The following IQCN variants were observed in gnomAD, a reference collection of about 807,000 sequenced individuals.
The protein encoded by IQCN is IQ motif containing N, also known as IQ domain-containing protein N.
In IQCN, 46 loss-of-function variants were observed where a neutral mutation model predicts 64.4. The observed-to-expected ratio is 0.71, with a 90% CI of 0.56 to 0.91. The LOEUF is 0.91. IQCN is among the 40% of genes least tolerant of loss of function. IQCN has a pLI of 0.00. For missense variants in IQCN, 1,753 were observed against 1,857.4 expected, an observed-to-expected ratio of 0.94 and a Z score of 1.03; for synonymous variants, 733 against 775.6, an observed-to-expected ratio of 0.95 and a Z score of 0.91.
chr19:18,264,539 T>C lies in IQCN; in HGVS notation c.3001A>G (p.Ser1001Gly). The C allele has an allele frequency of 6.4e-7, 1 of 1,551,092 alleles. No individual in the cohort carries two copies. Among genetic ancestry groups the C allele is most frequent in the Non-Finnish European group, 8.7e-7 (1 of 1,146,874 alleles). ...AGGGCCACCCGACACCAAGACTGGCTCAGGAGAGCACCCAGCTCACCCTGA... is the reference window on the plus strand; with the variant it reads ...AGGGCCACCCGACACCAAGACTGGCCCAGGAGAGCACCCAGCTCACCCTGA... Reference protein sequence around the residue: ...LCQGELGALLSQSWCRVALRT... With the variant: ...LCQGELGALLGQSWCRVALRT... Residue 1001 changes from serine to glycine, a missense_variant, in exon 3 of 4, where the codon AGC becomes GGC. Transcript: ENST00000392413. This position sits in a 1 kb window ranked among gnomAD's most constrained non-coding sequence, Gnocchi z 4.3.
chr19:18,269,543 C>A lies in IQCN; in HGVS notation c.-65G>T. On this transcript the variant is annotated 5_prime_UTR_variant, in exon 2 of 4. Coordinates refer to ENST00000392413, the MANE Select transcript of IQCN (RefSeq NM_001145304.2). ...GAAGCCAGCCTGCAAGAGGAGGCAG[C>A]CTTCAGCCTTTCATCCATGCAATAT... 1 of 1,575,090 alleles carries A rather than the reference C, an allele frequency of 6.3e-7. No individual in the cohort carries two copies. The highest frequency in any genetic ancestry group is 8.7e-7 in the Non-Finnish European group (1 of 1,146,034).
At chr19:18,259,618 C>T (rs1969384932) in intron 3 of IQCN, 1 of 152,276 alleles carries the variant, frequency 6.6e-6, no homozygotes, top group African/African-American at 2.4e-5. Flanking sequence ...CCTCCTGCCG[C>T]ACCACGACCA....
chr19:18,265,386 G>C lies in IQCN; in HGVS notation c.2154C>G (p.Ser718=), dbSNP rs1308195671. 1.9e-6 allele frequency: 3 copies of C among 1,614,176 alleles called. No homozygotes were observed. Among genetic ancestry groups the C allele is most frequent in the African/African-American group, 1.3e-5 (1 of 75,050 alleles). The part of the protein sequence containing the change: ...HLDTCLSKMH[S]QTHLATGAVK... ...CGGCACCTGTGGCCAGATGTGTCTG[G>C]GAATGCATCTTGCTCAGACAGGTGT... Residue 718 remains serine (S), a synonymous_variant, in exon 3 of 4, where the codon TCC becomes TCG. Transcript: ENST00000392413. This position sits in a 1 kb window ranked among gnomAD's most constrained non-coding sequence, Gnocchi z 4.7.
chr19:18,264,994 C>A lies in IQCN; in HGVS notation c.2546G>T (p.Trp849Leu). 1 of 1,606,000 alleles carries A rather than the reference C, an allele frequency of 6.2e-7. No homozygotes were observed. The change falls in exon 3 of 4, where the codon TGG becomes TTG. Residue 849 changes from tryptophan (W) to leucine (L), a missense_variant. Transcript: ENST00000392413. The surrounding 1 kb of genome is among the most constrained non-coding windows in gnomAD (Gnocchi z 4.3). The stretch of plus-strand genomic sequence containing the variant: ...GGCACGTGTGGCTCCGTTGTCTCCC[C>A]AGGACTCAACGTTGCATGTGGAATG... The part of the protein sequence containing the change: ...TGHSTCNVES[W>L]GDNGATRAQP...
rs1206079142 is a variant in IQCN, at chr19:18,264,619, A to C, written c.2921T>G (p.Val974Gly). 6.4e-6 allele frequency: 10 copies of C among 1,551,018 alleles called. No homozygotes were observed. The highest frequency in any genetic ancestry group is 8.7e-6 in the Non-Finnish European group (10 of 1,146,898). The change falls in exon 3 of 4, where the codon GTG (valine) becomes GGG (glycine). Residue 974 changes from valine (V) to glycine (G), a missense_variant. By Grantham distance (109) the Val-to-Gly change is moderately radical. Coordinates refer to ENST00000392413, the MANE Select transcript of IQCN (RefSeq NM_001145304.2). The surrounding 1 kb of genome is among the most constrained non-coding windows in gnomAD (Gnocchi z 4.3). ...CTCCTCCGTCAAAGCCTTGCTAAGC[A>C]CCTCGGCCAATTTACCCTGCATGAC... The part of the protein sequence containing the change: ...TKVMQGKLAE[V>G]LSKALTEEEW...
chr19:18,267,662 T>C (rs1363827403), intron 2 of IQCN, 136 bp from the exon 3 acceptor site: 2 of 1,066,404 alleles, frequency 1.9e-6, no homozygotes, highest in African/African-American at 3.2e-5. Context: ...CCTTTTTCCA[T>C]CCCTCCCTCT....
In IQCN at chr19:18,257,131, A is replaced by G; in HGVS notation, c.*49T>C. On this transcript the variant is annotated 3_prime_UTR_variant, in exon 4 of 4. Coordinates refer to ENST00000392413, the MANE Select transcript of IQCN (RefSeq NM_001145304.2). Reference sequence around the variant, plus strand: ...GGAGGACTTTATTCATTAGACCCAGAGAGCCATGAGTGCCTCCCACGAAGT... The same window carrying G: ...GGAGGACTTTATTCATTAGACCCAGGGAGCCATGAGTGCCTCCCACGAAGT... 3 of 1,572,850 alleles carry G rather than the reference A, an allele frequency of 1.9e-6. No homozygotes were observed. Among genetic ancestry groups the G allele is most frequent in the Non-Finnish European group, 2.6e-6 (3 of 1,152,924 alleles).
chr19:18,266,148 G>A lies in IQCN; in HGVS notation c.1392C>T (p.Ala464=). 3 of 1,614,162 alleles carry A rather than the reference G, an allele frequency of 1.9e-6. No individual in the cohort carries two copies. The highest frequency in any genetic ancestry group is 2.5e-6 in the Non-Finnish European group (3 of 1,180,046). The change falls in exon 3 of 4, where the codon GCC becomes GCT. Residue 464 remains alanine, a synonymous_variant. Transcript: ENST00000392413. The surrounding 1 kb of genome is among the most constrained non-coding windows in gnomAD (Gnocchi z 4.3). ...PPQMHPVTTP[A]KNPLQTCLSA... ...ACAGACATGTTTGCAATGGGTTTTT[G>A]GCTGGGGTGGTGACCGGGTGCATCT...
Position 18,267,011 on chromosome 19 carries a change from C to A in IQCN, c.529G>T (p.Glu177Ter). 1 of 1,614,248 alleles carries A rather than the reference C, an allele frequency of 6.2e-7. No homozygotes were observed. The highest frequency in any genetic ancestry group is 8.5e-7 in the Non-Finnish European group (1 of 1,180,032). Residue 177 changes from glutamate (E) to a stop codon, truncating the protein, a stop_gained, in exon 3 of 4, where the codon GAA (glutamate) becomes TAA (stop). Coordinates refer to ENST00000392413, the MANE Select transcript of IQCN (RefSeq NM_001145304.2). LOFTEE classifies it high-confidence loss of function. The part of the protein sequence containing the change: ...APQQVRFQHP[E>*]ENRLLSPPIM... ...GGCGGGGACAGAAGGCGGTTCTCTT[C>A]CGGATGCTGGAAGCGCACCTGCTGT...
rs1352995019 is a variant in IQCN, at chr19:18,266,289, C to G, written c.1251G>C (p.Gln417His). ...TTGCCGTGATGGTCGCAGGGCATGT[C>G]TGCCGTGGGGTGCCAGTTCTGGAGG... is the stretch of plus-strand genomic sequence containing the variant. Reference protein sequence around the residue: ...PTASRTGTPRQTCPATITAKN... With the variant: ...PTASRTGTPRHTCPATITAKN... The change falls in exon 3 of 4, where the codon CAG (glutamine) becomes CAC (histidine). Residue 417 changes from glutamine (Q) to histidine (H), a missense_variant. Transcript: ENST00000392413. This position sits in a 1 kb window ranked among gnomAD's most constrained non-coding sequence, Gnocchi z 4.3. 1 of 1,613,496 alleles carries G rather than the reference C, an allele frequency of 6.2e-7. No individual in the cohort carries two copies. Among genetic ancestry groups the G allele is most frequent in the Non-Finnish European group, 8.5e-7 (1 of 1,179,728 alleles).
In IQCN at chr19:18,264,398, GC is replaced by G. The variant is rs1170469399; in HGVS notation, c.3141del (p.Ser1049ProfsTer5). The G allele has an allele frequency of 6.6e-7, 1 of 1,524,054 alleles. No individual in the cohort carries two copies. Among genetic ancestry groups the G allele is most frequent in the Non-Finnish European group, 8.8e-7 (1 of 1,133,044 alleles). The allele number at this position is 1,524,054 out of a possible 1,614,324, so 94.4% of individuals were successfully genotyped here. A position where few individuals can be genotyped will look rare whatever the true frequency, so the allele number is the denominator to read the frequency against. ...TGTGGTCTCACGGGGCCCAGGGAGG[GC>G]CCCCATGCGGCCGATGGACTCCTCC... ...ACRRSPSAAWGPSLGPVRPQT... is the reference protein window; with the variant it reads ...ACRRSPSAAWXPSLGPVRPQT... On this transcript the variant is annotated frameshift_variant, in exon 3 of 4. Transcript: ENST00000392413. LOFTEE classifies it low-confidence loss of function (END_TRUNC). The surrounding 1 kb of genome is among the most constrained non-coding windows in gnomAD (Gnocchi z 4.3).
Position 18,264,649 on chromosome 19 carries a change from G to T in IQCN, c.2891C>A (p.Thr964Asn), listed in dbSNP as rs1429474065. 3 of 1,551,252 alleles carry T rather than the reference G, an allele frequency of 1.9e-6. No individual in the cohort carries two copies. The African/African-American group carries it at 4.1e-5, about 21-fold the overall frequency. The change falls in exon 3 of 4, where the codon ACC becomes AAC. Residue 964 changes from threonine (T) to asparagine (N), a missense_variant. Thr to Asn is a moderately conservative substitution (Grantham distance 65). Transcript: ENST00000392413. The surrounding 1 kb of genome is among the most constrained non-coding windows in gnomAD (Gnocchi z 4.3). Reference sequence around the variant, plus strand: ...GGCCAATTTACCCTGCATGACCTTGGTGAGTTCCGCCCGCAGCTCGCCCCG... The same window carrying T: ...GGCCAATTTACCCTGCATGACCTTGTTGAGTTCCGCCCGCAGCTCGCCCCG... The part of the protein sequence containing the change: ...LSRGELRAEL[T>N]KVMQGKLAEV...
intron 1 of IQCN, among the ~76,000 whole-genome samples, chr19:18,273,230 C>A (rs1969779820): frequency 6.6e-6 from 1 of 151,888 alleles, no homozygotes; most frequent in Non-Finnish European, 1.5e-5. Context: ...TGGGGTTTCG[C>A]CATGTTGGCC....
Position 18,265,618 on chromosome 19 carries a change from C to T in IQCN, c.1922G>A (p.Gly641Glu), listed in dbSNP as rs749615907. The change falls in exon 3 of 4, where the codon GGG (glycine) becomes GAG (glutamate). Residue 641 changes from glycine (G) to glutamate (E), a missense_variant. By Grantham distance (98) the Gly-to-Glu change is moderately conservative (BLOSUM62 -2). Transcript: ENST00000392413. This position sits in a 1 kb window ranked among gnomAD's most constrained non-coding sequence, Gnocchi z 4.7. ...CACATACACGTGAGGTGGCTTGTCC[C>T]CTTCCTCAGCAACTTTTGTCCAGGA... Reference protein sequence around the residue: ...APSWTKVAEEGDKPPHVYVPV... With the variant: ...APSWTKVAEEEDKPPHVYVPV... The T allele has an allele frequency of 6.2e-7, 1 of 1,614,072 alleles. No homozygotes were observed. Among genetic ancestry groups the T allele is most frequent in the Non-Finnish European group, 8.5e-7 (1 of 1,179,998 alleles).
chr19:18,264,557 C>A lies in IQCN; in HGVS notation c.2983G>T (p.Glu995Ter), dbSNP rs1456894891. ...GACTGGCTCAGGAGAGCACCCAGCT[C>A]ACCCTGACACAGGGCCTGGCTCAGA... ...VALSQALCQGELGALLSQSWC... is the reference protein window; with the variant it reads ...VALSQALCQG The change falls in exon 3 of 4, where the codon GAG becomes TAG. Residue 995 changes from glutamate to a stop codon, truncating the protein, a stop_gained. Coordinates refer to ENST00000392413, the MANE Select transcript of IQCN (RefSeq NM_001145304.2). LOFTEE classifies it high-confidence loss of function. The surrounding 1 kb of genome is among the most constrained non-coding windows in gnomAD (Gnocchi z 4.3). The A allele has an allele frequency of 6.4e-7, 1 of 1,551,406 alleles. No individual in the cohort carries two copies. Among genetic ancestry groups the A allele is most frequent in the African/African-American group, 1.4e-5 (1 of 73,176 alleles).
At chr19:18,258,548 G>C (rs1288304355) in intron 3 of IQCN, 1 of 407,072 alleles carries the variant, frequency 2.5e-6, no homozygotes, top group African/African-American at 2.0e-5. Context: ...GTGGATTGGG[G>C]ACAGCTTCTG....
intron 3 of IQCN, chr19:18,258,412 C>A (rs1334346567): frequency 1.6e-6 from 1 of 618,924 alleles, no homozygotes; most frequent in Non-Finnish European, 3.0e-6. Context: ...AAGGGCCTAA[C>A]CCTGGCCACA....
At position 18,265,264 on chromosome 19, in the gene IQCN, G is replaced by T. The variant is rs750849385; in HGVS notation, c.2276C>A (p.Ala759Glu). 1.2e-5 allele frequency: 19 copies of T among 1,613,674 alleles called. No individual in the cohort carries two copies. Among genetic ancestry groups the T allele is most frequent in the East Asian group, 4.5e-5 (2 of 44,898 alleles). Reference sequence around the variant, plus strand: ...GCTGCTGAGATCAGCAGCCTGGTGCGCTGGGATGAGGCACGTGGTTATGTC... The same window carrying T: ...GCTGCTGAGATCAGCAGCCTGGTGCTCTGGGATGAGGCACGTGGTTATGTC... ...ITDITTCLIPAHQAADLSSNT... is the reference protein window; with the variant it reads ...ITDITTCLIPEHQAADLSSNT... Residue 759 changes from alanine (A) to glutamate (E), a missense_variant, in exon 3 of 4, where the codon GCG (alanine) becomes GAG (glutamate). Transcript: ENST00000392413. This position sits in a 1 kb window ranked among gnomAD's most constrained non-coding sequence, Gnocchi z 4.7.
rs1432211017 is a variant in IQCN at position 18,265,780 on chromosome 19, T to G, written c.1760A>C (p.His587Pro). 1 of 1,614,074 alleles carries G rather than the reference T, an allele frequency of 6.2e-7. No homozygotes were observed. The highest frequency in any genetic ancestry group is 1.1e-5 in the South Asian group (1 of 91,084). The change falls in exon 3 of 4, where the codon CAT (histidine) becomes CCT (proline). Residue 587 changes from histidine (H) to proline (P), a missense_variant. Physicochemically the swap from His to Pro is moderately conservative, Grantham distance 77. Transcript: ENST00000392413. This position sits in a 1 kb window ranked among gnomAD's most constrained non-coding sequence, Gnocchi z 4.7. ...AGCCCTGGGGACCCCAGTTCCCGGA[T>G]GTGGTTGAGCCAGGCACCTGATCTT... ...EGKIRCLAQP[H>P]PGTGVPRAAA...
Sources: gnomAD v4.1 joint callset for allele counts (sites outside exome capture counted in the v4.1 genomes callset) on GRCh38, gnomAD v4.1.1 for gene constraint, Gnocchi (gnomAD v3.1) non-coding constraint, MANE v1.5 for transcripts, NCBI Gene and HGNC (gene_info 2026-07-23, HGNC 2026-07-21) for gene names.